The following TANC1 variants were observed in gnomAD, a reference collection of about 807,000 sequenced individuals.
TANC1 encodes tetratricopeptide repeat, ankyrin repeat and coiled-coil containing 1.
Under a neutral mutation model 149.7 loss-of-function variants are expected in TANC1, and 77 were observed. The ratio of observed to expected loss-of-function variants is 0.51; its 90% confidence interval spans 0.43 to 0.62. The LOEUF is 0.62. TANC1 is among the 20% of genes least tolerant of loss of function. The pLI, the probability that TANC1 is intolerant of heterozygous loss-of-function variation, is 0.00. For missense variants in TANC1, 1,985 were observed against 2,321.8 expected (o/e 0.85, Z 2.98); for synonymous variants, 854 against 925.0 (o/e 0.92, Z 1.39).
intron 4 of TANC1, among the ~76,000 whole-genome samples, chr2:159,113,838 A>G (rs2047987703): frequency 6.6e-6 from 1 of 152,196 alleles, no homozygotes. Context: ...TCTCTTAAAA[A>G]TTTTTTGAAC....
At chr2:159,045,099 C>T (rs962360207) in intron 2 of TANC1, among the ~76,000 whole-genome samples, 5 of 152,112 alleles carry the variant, frequency 3.3e-5, no homozygotes, top group Non-Finnish European at 7.4e-5. Flanking sequence ...AGGAGGAGTC[C>T]CTGCTGTGTT....
At chr2:159,147,253 G>A (rs954934676) in intron 5 of TANC1, among the ~76,000 whole-genome samples, 17 of 152,190 alleles carry the variant, frequency 1.1e-4, no homozygotes, top group South Asian at 4.1e-4. Context: ...AATCACAATC[G>A]GGAGCAGTGT....
intron 1 of TANC1, among the ~76,000 whole-genome samples, chr2:158,996,011 G>A (rs2036100466): frequency 6.6e-6 from 1 of 152,196 alleles, no homozygotes; most frequent in Admixed American, 6.5e-5. Context: ...CCACACAGCA[G>A]TCTTCTGTCT....
rs755733997 is a variant in TANC1, at chr2:159,228,885, G to A, written c.4140G>A (p.Lys1380=). ...CCTTTTATGCCAGAGCAAGAGCGAA[G>A]AGAAATAGCAGGTACCGTCTGTGGT... ...YEAFYARARA[K]RNSRQFVAAL... The change falls in exon 26 of 27, where the codon AAG becomes AAA. Residue 1380 remains lysine, a synonymous_variant. Transcript: ENST00000263635. The A allele has an allele frequency of 6.2e-7, 1 of 1,613,674 alleles. No homozygotes were observed. Among genetic ancestry groups the A allele is most frequent in the Non-Finnish European group, 8.5e-7 (1 of 1,179,566 alleles).
chr2:159,046,892 A>G (rs544604187), intron 2 of TANC1, among the ~76,000 whole-genome samples: 1 of 152,106 alleles, frequency 6.6e-6, no homozygotes, highest in African/African-American at 2.4e-5. Context: ...GGCATGAACC[A>G]TGGTGCCCCG....
chr2:159,004,529 T>A (rs2036947761), intron 2 of TANC1, among the ~76,000 whole-genome samples: 1 of 152,142 alleles, frequency 6.6e-6, no homozygotes. Context: ...GGTCAAAATA[T>A]GAAGTATTGG....
At chr2:159,036,726 A>G (rs919064053) in intron 2 of TANC1, among the ~76,000 whole-genome samples, 10 of 152,338 alleles carry the variant, frequency 6.6e-5, no homozygotes, top group African/African-American at 2.4e-4. Context: ...TCCATGGTGT[A>G]TATGTGGCAC....
At chr2:159,015,216 T>C (rs112557606) in intron 2 of TANC1, among the ~76,000 whole-genome samples, 1 of 152,248 alleles carries the variant, frequency 6.6e-6, no homozygotes, top group Non-Finnish European at 1.5e-5. Context: ...AGTTCTTGAC[T>C]TCTGTGCACT....
chr2:159,031,780 A>G (rs1449367604), intron 2 of TANC1, among the ~76,000 whole-genome samples: 1 of 152,218 alleles, frequency 6.6e-6, no homozygotes, highest in African/African-American at 2.4e-5. Context: ...AGGTTGCTTT[A>G]GAGCAAGGGA....
At chr2:159,071,635 G>A (rs141883296) in intron 3 of TANC1, among the ~76,000 whole-genome samples, 1 of 152,116 alleles carries the variant, frequency 6.6e-6, no homozygotes, top group East Asian at 1.9e-4. Flanking sequence ...GCCATTCCAG[G>A]CTGCAGCCTG....
At chr2:159,223,609 T>C (rs1360683556) in intron 22 of TANC1, among the ~76,000 whole-genome samples, 3 of 152,146 alleles carry the variant, frequency 2.0e-5, no homozygotes, top group African/African-American at 7.2e-5. Flanking sequence ...ATGGAGAAAT[T>C]TTAGTGGCCA....
chr2:159,157,232 G>C (rs2053536139), intron 7 of TANC1, among the ~76,000 whole-genome samples: 1 of 152,188 alleles, frequency 6.6e-6, no homozygotes, highest in South Asian at 2.1e-4. Context: ...TCCAGGCAAG[G>C]TGGCTTAAGT....
chr2:159,044,920 A>G (rs1044562751), intron 2 of TANC1, among the ~76,000 whole-genome samples: 11 of 152,226 alleles, frequency 7.2e-5, no homozygotes, highest in African/African-American at 2.7e-4. Flanking sequence ...CCTGCTATCC[A>G]TGAGGAATGC....
intron 14 of TANC1, among the ~76,000 whole-genome samples, chr2:159,184,676 T>A (rs150828245): frequency 6.6e-6 from 1 of 152,198 alleles, no homozygotes; most frequent in Non-Finnish European, 1.5e-5. Flanking sequence ...AGAGAGATGC[T>A]GACAGCGGTT....
rs553802052 is a variant in TANC1 at position 159,178,637 on chromosome 2, G to A, written c.1984G>A (p.Ala662Thr). Residue 662 changes from alanine to threonine, a missense_variant, in exon 14 of 27, where the codon GCC becomes ACC. Physicochemically the swap from Ala to Thr is moderately conservative, Grantham distance 58. Transcript: ENST00000263635. ...DNKDIHSDLH[A>T]YVQHRVHSSQ... ...CAAAGACATCCACAGTGACCTGCAC[G>A]CCTACGTCCAGCACAGGGTGCACAG... 2.5e-5 allele frequency: 40 copies of A among 1,614,010 alleles called. No individual in the cohort carries two copies. The highest frequency in any genetic ancestry group is 7.7e-5 in the South Asian group (7 of 91,054).
intron 4 of TANC1, among the ~76,000 whole-genome samples, chr2:159,124,560 A>G (rs1488663999): frequency 6.6e-6 from 1 of 152,084 alleles, no homozygotes; most frequent in East Asian, 1.9e-4. Flanking sequence ...CCTTGTGCAA[A>G]CAACAGAAGA....
intron 1 of TANC1, among the ~76,000 whole-genome samples, chr2:158,999,292 T>C (rs1214046446): frequency 1.3e-5 from 2 of 152,108 alleles, no homozygotes; most frequent in Admixed American, 6.5e-5. Flanking sequence ...TAGTCCTAAA[T>C]TGGTATCGAG....
chr2:159,128,637 A>C (rs1263919082), intron 4 of TANC1, among the ~76,000 whole-genome samples: 1 of 152,164 alleles, frequency 6.6e-6, no homozygotes, highest in Non-Finnish European at 1.5e-5. Flanking sequence ...CAACTCAGGC[A>C]AGAGACAAAA....
intron 3 of TANC1, among the ~76,000 whole-genome samples, chr2:159,087,929 G>A (rs189467857): frequency 2.7e-5 from 4 of 149,898 alleles, no homozygotes; most frequent in South Asian, 2.2e-4. Context: ...ATGTGATGAC[G>A]TAGGCAGAGA....
Sources: allele counts gnomAD v4.1 joint callset (sites outside exome capture counted in the v4.1 genomes callset), GRCh38; gene constraint gnomAD v4.1.1; transcripts MANE v1.5; gene names NCBI Gene and HGNC (gene_info 2026-07-23, HGNC 2026-07-21).